The following ANKRD36 variants were observed in gnomAD, a reference collection of about 807,000 sequenced individuals.
ANKRD36 encodes ankyrin repeat domain-containing protein 36A.
A neutral mutation model predicts 278.1 loss-of-function variants in ANKRD36; 179 were observed. The ratio of observed to expected loss-of-function variants is 0.64; its 90% CI spans 0.57 to 0.73. The LOEUF is 0.73. Ranked by LOEUF, ANKRD36 falls within the 30% of genes least tolerant of loss-of-function variation. The pLI is 0.00. For missense variants in ANKRD36, 1,159 were observed against 1,956.7 expected (o/e 0.59, Z 7.69); for synonymous variants, 320 against 641.1 (o/e 0.50, Z 7.57).
At chr2:97,173,844 A>G (rs2053421036) in intron 22 of ANKRD36, among the ~76,000 whole-genome samples, 1 of 151,572 alleles carries the variant, frequency 6.6e-6, no homozygotes, top group Non-Finnish European at 1.5e-5. Context: ...TCAGTGATAC[A>G]TGCTTTGTTC....
chr2:97,206,801 A>G (rs1313281053), intron 52 of ANKRD36, among the ~76,000 whole-genome samples: 1 of 151,464 alleles, frequency 6.6e-6, no homozygotes, highest in Non-Finnish European at 1.5e-5. Flanking sequence ...CTTTGTTACT[A>G]TTAGGCATCA....
At position 97,146,758 on chromosome 2, in the gene ANKRD36, T is replaced by C. The variant is rs552571037; in HGVS notation, c.1034+242T>C. Among the ~76,000 whole-genome samples the C allele has an allele frequency of 4.6e-5, 7 of 151,814 alleles. No homozygotes were observed. The East Asian group carries it at 1.4e-3, about 29-fold the overall frequency. ...GGCTCATGATTCCACAGTTAACAGG[T>C]AGCCAACCGATGATTTGACCATCAT... On this transcript the variant is annotated intron_variant, in intron 11 of 75. Coordinates refer to ENST00000420699, the MANE Select transcript of ANKRD36 (RefSeq NM_001354587.1).
At chr2:97,211,909 G>A (rs1404674858) in intron 58 of ANKRD36, among the ~76,000 whole-genome samples, 168 bp downstream of exon 58, 2 of 151,846 alleles carry the variant, frequency 1.3e-5, no homozygotes, top group Non-Finnish European at 2.9e-5. Flanking sequence ...TGTGGTCCTT[G>A]GCCATGATGG....
intron 6 of ANKRD36, among the ~76,000 whole-genome samples, chr2:97,134,568 T>C (rs1285262181): frequency 1.3e-5 from 2 of 152,104 alleles, no homozygotes; most frequent in African/African-American, 2.4e-5. Context: ...AGGGATCACT[T>C]TGAAGACAGT....
At chr2:97,125,602 T>A (rs2038372319) in intron 5 of ANKRD36, among the ~76,000 whole-genome samples, 1 of 151,240 alleles carries the variant, frequency 6.6e-6, no homozygotes, top group African/African-American at 2.4e-5. Flanking sequence ...ACCCTGAGAC[T>A]TTTTATATAA....
At position 97,224,810 on chromosome 2, in the gene ANKRD36, A is replaced by G. The variant is rs1194779404; in HGVS notation, c.3882A>G (p.Glu1294=). ...MKDVQTSTPA[E]QDLEMASEGE... ...CTAAATATATAATTTTTTTAGCAGA[A>G]CAAGACTTAGAAATGGCATCAGAGG... Residue 1294 remains glutamate, a synonymous_variant, in exon 67 of 76, where the codon GAA becomes GAG. Coordinates refer to ENST00000420699, the MANE Select transcript of ANKRD36 (RefSeq NM_001354587.1). The G allele has an allele frequency of 2.3e-6, 3 of 1,330,644 alleles. No homozygotes were observed. The highest frequency in any genetic ancestry group is 2.9e-6 in the Non-Finnish European group (3 of 1,030,588). The allele number at this position is 1,330,644 out of a possible 1,614,324, so 82.4% of individuals were successfully genotyped here.
chr2:97,177,485 GAT>G (rs1372060267), intron 22 of ANKRD36, among the ~76,000 whole-genome samples: 1 of 151,914 alleles, frequency 6.6e-6, no homozygotes, highest in Non-Finnish European at 1.5e-5. Context: ...CAGAGCTATA[GAT>G]CAATGGAACA....
At chr2:97,230,134 A>G (rs2071413021) in intron 67 of ANKRD36, among the ~76,000 whole-genome samples, 1 of 152,022 alleles carries the variant, frequency 6.6e-6, no homozygotes, top group African/African-American at 2.4e-5. Context: ...GCTCTTCTCA[A>G]GGGGTATCTT....
At chr2:97,187,487 T>TGGGGGG in intron 32 of ANKRD36, 86 bp downstream of exon 32, 12 of 50,040 alleles carry the variant, frequency 2.4e-4, no homozygotes, top group South Asian at 1.1e-3. Context: ...GGAGGGCGGG[T>TGGGGGG]GGGGGGGCTC....
intron 22 of ANKRD36, among the ~76,000 whole-genome samples, chr2:97,169,823 GAAGA>G (rs1459475867): frequency 6.6e-6 from 1 of 152,222 alleles, no homozygotes; most frequent in Admixed American, 6.5e-5. Flanking sequence ...TCATGGATAG[GAAGA>G]ATCAATATCA....
rs1428549903 is a variant in ANKRD36, at chr2:97,205,957, C to T, written c.3079C>T (p.Pro1027Ser). 7 of 1,556,188 alleles carry T rather than the reference C, an allele frequency of 4.5e-6. No homozygotes were observed. The highest frequency in any genetic ancestry group is 6.1e-6 in the Non-Finnish European group (7 of 1,155,196). ...KTRTVSSQKPPTLKATSDEED... is the reference protein window; with the variant it reads ...KTRTVSSQKPSTLKATSDEED... ...CTTTTCAGTGTCTTCTCAGAAACCA[C>T]CAACCTTGAAGGTAATGAAACTCCC... Residue 1027 changes from proline to serine, a missense_variant, in exon 51 of 76, where the codon CCA (proline) becomes TCA (serine). Physicochemically the swap from Pro to Ser is moderately conservative, Grantham distance 74 (BLOSUM62 -1). Transcript: ENST00000420699.
At chr2:97,260,393 C>CGT (rs1238441614) in intron 75 of ANKRD36, among the ~76,000 whole-genome samples, 1 of 118,070 alleles carries the variant, frequency 8.5e-6, no homozygotes, top group Non-Finnish European at 1.7e-5. Context: ...CACATATATA[C>CGT]ATACACACAC....
chr2:97,181,498 A>G lies in ANKRD36; in HGVS notation c.1736-100A>G, dbSNP rs79531049. 1.2e-4 allele frequency: 184 copies of G among 1,505,980 alleles called. 3 individuals carry two copies. The highest frequency in any genetic ancestry group is 3.3e-4 in the Admixed American group (16 of 48,966). The allele number at this position is 1,505,980 out of a possible 1,614,324, so 93.3% of individuals were successfully genotyped here. A position where few individuals can be genotyped will look rare whatever the true frequency, so the allele number is the denominator to read the frequency against. Reference sequence around the variant, plus strand: ...AGAAAACATCAAAGCCTACACTAGTACAGGCAGGAAGATACAGCTTGATGC... The same window carrying G: ...AGAAAACATCAAAGCCTACACTAGTGCAGGCAGGAAGATACAGCTTGATGC... On this transcript the variant is annotated intron_variant, in intron 24 of 75. Transcript: ENST00000420699.
rs1209782458 is a variant in ANKRD36, at chr2:97,200,656, C to G, written c.2857+131C>G. ...CAAGCTTGAGATTCTTCTTTTCTAA[C>G]AAGTTCTTGGGTTATGCTGATGCTG... On this transcript the variant is annotated intron_variant, in intron 46 of 75. Transcript: ENST00000420699. The G allele has an allele frequency of 1.3e-5, 19 of 1,427,544 alleles. No homozygotes were observed. The East Asian group carries it at 3.3e-4, about 24-fold the overall frequency. The allele number at this position is 1,427,544 out of a possible 1,614,324, so 88.4% of individuals were successfully genotyped here. A position where few individuals can be genotyped will look rare whatever the true frequency, so the allele number is the denominator to read the frequency against.
intron 75 of ANKRD36, among the ~76,000 whole-genome samples, chr2:97,262,572 A>T (rs2076836428): frequency 7.7e-6 from 1 of 130,400 alleles, no homozygotes; most frequent in Non-Finnish European, 1.5e-5. Context: ...AAAGACAAAA[A>T]GAGAGTGATA....
At chr2:97,228,188 T>C (rs1421919737) in intron 67 of ANKRD36, among the ~76,000 whole-genome samples, 2 of 152,100 alleles carry the variant, frequency 1.3e-5, no homozygotes, top group African/African-American at 4.8e-5. Context: ...TTTCTATTGA[T>C]TGGAATAGTT....
chr2:97,225,246 A>T (rs1166358986), intron 67 of ANKRD36, among the ~76,000 whole-genome samples: 1 of 151,816 alleles, frequency 6.6e-6, no homozygotes, highest in Non-Finnish European at 1.5e-5. Flanking sequence ...TTCAGATTAA[A>T]GGAGTAATTA....
chr2:97,199,267 G>T (rs1401113591), intron 44 of ANKRD36, among the ~76,000 whole-genome samples: 3 of 151,898 alleles, frequency 2.0e-5, no homozygotes, highest in African/African-American at 7.2e-5. Context: ...CTGGAAGCAG[G>T]AAACAATGGT....
At chr2:97,226,014 C>T (rs1327990518) in intron 67 of ANKRD36, among the ~76,000 whole-genome samples, 3 of 151,860 alleles carry the variant, frequency 2.0e-5, no homozygotes, top group Admixed American at 6.6e-5. Context: ...TTTTCTTAAT[C>T]CAGACTATCA....
Sources: gnomAD v4.1 joint callset for allele counts (sites outside exome capture counted in the v4.1 genomes callset) on GRCh38, gnomAD v4.1.1 for gene constraint, MANE v1.5 for transcripts, NCBI Gene and HGNC (gene_info 2026-07-23, HGNC 2026-07-21) for gene names.